Variants in DGKB observed in about 807,000 individuals in gnomAD.
The protein encoded by DGKB is diacylglycerol kinase beta, also known as 90 kDa diacylglycerol kinase.
In DGKB, 67 loss-of-function variants were observed where a neutral mutation model predicts 114.3. The observed-to-expected ratio is 0.59, with a 90% CI of 0.48 to 0.72. The LOEUF is 0.72. DGKB is among the 30% of genes least tolerant of loss of function. The pLI, the probability that DGKB is intolerant of heterozygous loss-of-function variation, is 0.00. For missense variants in DGKB, 907 were observed against 975.2 expected, an observed-to-expected ratio of 0.93 and a Z score of 0.93; for synonymous variants, 398 against 323.1, an observed-to-expected ratio of 1.23 and a Z score of -2.49.
Position 14,587,523 on chromosome 7 carries a change from T to C in DGKB, c.1434-4386A>G, listed in dbSNP as rs1213766540. ...AGGCAGCAGCAGGATTTGAGAAGAC[T>C]GACTCAAATTCTGAGGGAAGTTCTA... On this transcript the variant is annotated intron_variant, in intron 17 of 25. Coordinates refer to ENST00000402815, the MANE Select transcript of DGKB (RefSeq NM_001350709.2). 3.3e-5 allele frequency among the ~76,000 whole-genome samples: 5 copies of C among 152,168 alleles called. No homozygotes were observed. The East Asian group carries it at 7.7e-4, about 23-fold the overall frequency.
chr7:14,894,281 C>T (rs533954205), intron 1 of DGKB, among the ~76,000 whole-genome samples: 22 of 151,484 alleles, frequency 1.5e-4, no homozygotes, highest in Admixed American at 2.6e-4. Flanking sequence ...ATTCCTCAAA[C>T]AGTCTTTCTT....
chr7:14,207,441 G>A (rs6461072), intron 23 of DGKB, among the ~76,000 whole-genome samples: 69,812 of 151,722 alleles, frequency 0.46, 18,979 homozygotes, highest in African/African-American at 0.76. Context: ...CATGGAGTCC[G>A]AAGTCCTAGG....
At chr7:14,389,371 C>T (rs186442228) in intron 21 of DGKB, among the ~76,000 whole-genome samples, 14 of 152,080 alleles carry the variant, frequency 9.2e-5, no homozygotes, top group East Asian at 3.9e-4. Context: ...TTCAGTCAGG[C>T]GATTAAATTT....
intron 25 of DGKB, among the ~76,000 whole-genome samples, chr7:14,152,190 T>A (rs937779801): frequency 1.3e-5 from 2 of 152,104 alleles, no homozygotes; most frequent in East Asian, 3.9e-4. Context: ...TTAGAATATA[T>A]TAAGTTTCAG....
At chr7:14,644,115 G>C (rs1289268323) in intron 13 of DGKB, among the ~76,000 whole-genome samples, 2 of 121,060 alleles carry the variant, frequency 1.7e-5, no homozygotes, top group East Asian at 6.0e-4. Flanking sequence ...TTGATTACAG[G>C]CAAAAAAAAA....
At chr7:14,824,682 G>C (rs113425864) in intron 2 of DGKB, among the ~76,000 whole-genome samples, 9 of 152,052 alleles carry the variant, frequency 5.9e-5, no homozygotes, top group African/African-American at 2.2e-4. Flanking sequence ...GATCCAAGGT[G>C]AGTTACATGA....
intron 2 of DGKB, among the ~76,000 whole-genome samples, chr7:14,778,778 T>G (rs1472302640): frequency 6.6e-6 from 1 of 152,236 alleles, no homozygotes; most frequent in Non-Finnish European, 1.5e-5. Flanking sequence ...TTTTAGCACA[T>G]TTTTGTGACT....
At chr7:14,430,092 G>A (rs1435340992) in intron 21 of DGKB, among the ~76,000 whole-genome samples, 1 of 152,084 alleles carries the variant, frequency 6.6e-6, no homozygotes, top group Non-Finnish European at 1.5e-5. Flanking sequence ...TGTTTGACTT[G>A]TTGTTATTAA....
chr7:14,778,613 A>G (rs1838585490), intron 2 of DGKB, among the ~76,000 whole-genome samples: 1 of 152,200 alleles, frequency 6.6e-6, no homozygotes, highest in African/African-American at 2.4e-5. Context: ...AGGTAAAGGT[A>G]AACTAGTTAA....
chr7:14,638,321 C>A (rs763313456), intron 13 of DGKB, among the ~76,000 whole-genome samples: 3 of 152,124 alleles, frequency 2.0e-5, no homozygotes, highest in Admixed American at 6.6e-5. Flanking sequence ...AACATTTCCT[C>A]ATCATCACAC....
chr7:14,221,115 G>A (rs1043140515), intron 23 of DGKB, among the ~76,000 whole-genome samples: 4 of 151,268 alleles, frequency 2.6e-5, no homozygotes, highest in African/African-American at 9.7e-5. Flanking sequence ...TGTGCAAATA[G>A]AAATAGTTTT....
At chr7:14,886,774 A>C (rs1228975739) in intron 1 of DGKB, among the ~76,000 whole-genome samples, 1 of 151,788 alleles carries the variant, frequency 6.6e-6, no homozygotes, top group Non-Finnish European at 1.5e-5. Context: ...AATCCCATCG[A>C]AACATAAATT....
At chr7:14,582,403 C>G (rs1031477848) in intron 18 of DGKB, among the ~76,000 whole-genome samples, 5 of 152,066 alleles carry the variant, frequency 3.3e-5, no homozygotes, top group African/African-American at 1.2e-4. Context: ...AAAAATCGAG[C>G]GTTTTCAGTT....
chr7:14,946,802 C>A (rs1785907447), intron 1 of DGKB, among the ~76,000 whole-genome samples: 1 of 151,758 alleles, frequency 6.6e-6, no homozygotes, highest in Non-Finnish European at 1.5e-5. Context: ...TGTATCTGTA[C>A]TACTTAGTAA....
chr7:14,772,949 G>T (rs1216595747), intron 2 of DGKB, among the ~76,000 whole-genome samples: 2 of 116,824 alleles, frequency 1.7e-5, no homozygotes, highest in African/African-American at 8.4e-5. Context: ...TTTCACCGCT[G>T]TACCTCAATT....
intron 2 of DGKB, among the ~76,000 whole-genome samples, chr7:14,817,649 T>C (rs1844344654): frequency 6.6e-6 from 1 of 152,150 alleles, no homozygotes; most frequent in Admixed American, 6.6e-5. Context: ...GAATAAGAGT[T>C]AGGTCTTTTA....
At chr7:14,836,270 C>G (rs928002129) in intron 2 of DGKB, among the ~76,000 whole-genome samples, 3 of 152,178 alleles carry the variant, frequency 2.0e-5, no homozygotes, top group African/African-American at 7.2e-5. Flanking sequence ...AGAACAAATT[C>G]ACTGTAATTT....
intron 1 of DGKB, among the ~76,000 whole-genome samples, chr7:14,872,282 C>T (rs887676645): frequency 1.2e-4 from 19 of 152,104 alleles, no homozygotes; most frequent in Non-Finnish European, 8.8e-5. Flanking sequence ...TACGCTATAC[C>T]TGCTACCACT....
intron 23 of DGKB, among the ~76,000 whole-genome samples, chr7:14,293,322 C>T (rs1421132629): frequency 6.6e-6 from 1 of 152,148 alleles, no homozygotes; most frequent in Non-Finnish European, 1.5e-5. Context: ...TGCCCAGCTT[C>T]TATTTGTACC....
Sources: allele counts gnomAD v4.1 joint callset (sites outside exome capture counted in the v4.1 genomes callset), GRCh38; gene constraint gnomAD v4.1.1; transcripts MANE v1.5; gene names NCBI Gene and HGNC (gene_info 2026-07-23, HGNC 2026-07-21).